Variants in AKAP6 observed in about 807,000 individuals in gnomAD.
AKAP6 encodes A-kinase anchoring protein 6.
A neutral mutation model predicts 188.5 loss-of-function variants in AKAP6; 58 were observed. That is an observed-to-expected ratio of 0.31 (90% confidence interval 0.25 to 0.38). AKAP6 has a LOEUF of 0.38. Among genes scored for constraint, AKAP6 ranks in the 10% least tolerant of loss-of-function variants. The pLI is 1.00. For synonymous variants in AKAP6, 989 were observed against 998.6 expected, an observed-to-expected ratio of 0.99 and a Z score of 0.18; for missense variants, 2,710 against 2,740.0, an observed-to-expected ratio of 0.99 and a Z score of 0.24.
intron 8 of AKAP6, among the ~76,000 whole-genome samples, chr14:32,679,767 C>T (rs952243267): frequency 6.6e-6 from 1 of 152,072 alleles, no homozygotes; most frequent in Non-Finnish European, 1.5e-5. Flanking sequence ...ACTTGTTGCT[C>T]CATCAGTATA....
intron 12 of AKAP6, among the ~76,000 whole-genome samples, chr14:32,795,397 G>A (rs1467200763): frequency 1.3e-5 from 2 of 152,120 alleles, no homozygotes; most frequent in African/African-American, 4.8e-5. Flanking sequence ...TAAACTACTG[G>A]CAAACTGAAT....
intron 2 of AKAP6, among the ~76,000 whole-genome samples, chr14:32,510,477 C>CATATATATGTGTATATATATATAT (rs1881194877): frequency 1.4e-5 from 1 of 72,922 alleles, no homozygotes; most frequent in Non-Finnish European, 2.7e-5. Flanking sequence ...TATATATATA[C>CATATATATGTGTATATATATATAT]ATATATATAT....
At chr14:32,800,510 G>T (rs8004880) in intron 12 of AKAP6, among the ~76,000 whole-genome samples, 26,257 of 151,916 alleles carry the variant, frequency 0.17, 2,824 homozygotes, top group African/African-American at 0.3. Context: ...CCATTGCTTT[G>T]TGCATACATG....
chr14:32,773,861 A>T lies in AKAP6; in HGVS notation c.3556A>T (p.Thr1186Ser). The change falls in exon 12 of 14, where the codon ACA becomes TCA. Residue 1186 changes from threonine to serine, a missense_variant. Transcript: ENST00000280979. The part of the protein sequence containing the change: ...AIVMQAVQWQ[T>S]RLQKKMGKES... ...TGTCATGCAAGCCGTCCAGTGGCAA[A>T]CACGTCTACAAAAGAAGATGGGAAA... 1 of 1,614,120 alleles carries T rather than the reference A, an allele frequency of 6.2e-7. No individual in the cohort carries two copies. The highest frequency in any genetic ancestry group is 1.1e-5 in the South Asian group (1 of 91,084).
intron 2 of AKAP6, among the ~76,000 whole-genome samples, chr14:32,520,409 C>A (rs2139056304): frequency 6.6e-6 from 1 of 152,240 alleles, no homozygotes; most frequent in African/African-American, 2.4e-5. Context: ...AATCCAGGAG[C>A]TGGTTTTTTG....
intron 1 of AKAP6, among the ~76,000 whole-genome samples, chr14:32,399,052 C>G (rs1194598792): frequency 6.6e-6 from 1 of 151,942 alleles, no homozygotes; most frequent in African/African-American, 2.4e-5. Context: ...CAGGGTTTCA[C>G]TGTGTTGCCC....
chr14:32,540,822 A>T (rs1221536706), intron 3 of AKAP6, among the ~76,000 whole-genome samples: 1 of 152,040 alleles, frequency 6.6e-6, no homozygotes, highest in Non-Finnish European at 1.5e-5. Flanking sequence ...TTGCCTCTGC[A>T]TAGTGAAATA....
At chr14:32,408,670 A>C (rs1889375696) in intron 1 of AKAP6, among the ~76,000 whole-genome samples, 2 of 151,492 alleles carry the variant, frequency 1.3e-5, no homozygotes, top group East Asian at 3.9e-4. Context: ...TATTGTAACC[A>C]GAGTTACTAT....
chr14:32,503,984 T>G lies in AKAP6; in HGVS notation c.325-31570T>G, dbSNP rs141758234. Among the ~76,000 whole-genome samples the G allele has an allele frequency of 4.7e-3, 714 of 151,912 alleles. 2 individuals carry two copies. Among genetic ancestry groups the G allele is most frequent in the East Asian group, 8.9e-3 (46 of 5,178 alleles). On this transcript the variant is annotated intron_variant, in intron 2 of 13. Transcript: ENST00000280979. Reference sequence around the variant, plus strand: ...TGCATTATATTGATATATTAATTATTTTATAAGTATACACATACATTGATA... The same window carrying G: ...TGCATTATATTGATATATTAATTATGTTATAAGTATACACATACATTGATA...
chr14:32,409,630 T>A (rs17098998), intron 1 of AKAP6, among the ~76,000 whole-genome samples: 2,738 of 152,276 alleles, frequency 0.018, 80 homozygotes, highest in African/African-American at 0.061. Context: ...GTGGTTCTCA[T>A]TAAAAAGTTT....
intron 12 of AKAP6, among the ~76,000 whole-genome samples, chr14:32,796,379 A>G (rs1391169256): frequency 6.6e-6 from 1 of 152,206 alleles, no homozygotes; most frequent in Non-Finnish European, 1.5e-5. Context: ...TTCAAACTAT[A>G]CTGCAAGGCT....
intron 3 of AKAP6, among the ~76,000 whole-genome samples, chr14:32,539,995 G>A (rs1357514659): frequency 5.3e-5 from 8 of 151,376 alleles, no homozygotes; most frequent in East Asian, 1.9e-4. Flanking sequence ...AGTTGGTGGC[G>A]AAACATAGTG....
intron 1 of AKAP6, among the ~76,000 whole-genome samples, chr14:32,345,539 G>A (rs777082407): frequency 2.0e-5 from 3 of 152,212 alleles, no homozygotes; most frequent in Non-Finnish European, 4.4e-5. Context: ...CTGTATCTGT[G>A]ATGAGTTGGT....
intron 9 of AKAP6, among the ~76,000 whole-genome samples, chr14:32,721,531 A>T (rs534427193): frequency 2.2e-4 from 34 of 152,320 alleles, no homozygotes; most frequent in African/African-American, 8.2e-4. Context: ...CTGTACCTCA[A>T]ATTCAATGAA....
At chr14:32,800,139 TAC>T (rs1298145271) in intron 12 of AKAP6, among the ~76,000 whole-genome samples, 1 of 122,808 alleles carries the variant, frequency 8.1e-6, no homozygotes, top group African/African-American at 3.0e-5. Flanking sequence ...CACATATATA[TAC>T]ACACATATAT....
At chr14:32,598,921 C>T (rs1885810478) in intron 5 of AKAP6, among the ~76,000 whole-genome samples, 1 of 152,120 alleles carries the variant, frequency 6.6e-6, no homozygotes, top group Non-Finnish European at 1.5e-5. Context: ...CCTGAATCTC[C>T]AACTGTGTTC....
At chr14:32,479,256 C>G (rs1272221646) in intron 2 of AKAP6, among the ~76,000 whole-genome samples, 1 of 152,000 alleles carries the variant, frequency 6.6e-6, no homozygotes, top group Admixed American at 6.6e-5. Context: ...TAAACATCGA[C>G]TCCTCACTTT....
chr14:32,761,640 C>T (rs1223202954), intron 11 of AKAP6, among the ~76,000 whole-genome samples: 1 of 152,082 alleles, frequency 6.6e-6, no homozygotes, highest in Non-Finnish European at 1.5e-5. Context: ...CCTAGGAATT[C>T]CTCTTGGGTC....
rs112729792 is a variant in AKAP6 at position 32,813,389 on chromosome 14, ACCC to A, written c.3589-8004_3589-8002del. Among the ~76,000 whole-genome samples the A allele has an allele frequency of 9.1e-3, 593 of 65,336 alleles. 29 individuals carry two copies. The highest frequency in any genetic ancestry group is 0.036 in the African/African-American group (567 of 15,914). The allele number at this position is 65,336 out of a possible 152,430, so 42.9% of individuals were successfully genotyped here. A position where few individuals can be genotyped will look rare whatever the true frequency, so the allele number is the denominator to read the frequency against. ...AGTTACAGTTTTCATCTCTAACCCT[ACCC>A]CCCCCCCCAACCCCTTTCCCAGAGG... On this transcript the variant is annotated intron_variant, in intron 12 of 13. Coordinates refer to ENST00000280979, the MANE Select transcript of AKAP6 (RefSeq NM_004274.5).
Sources: gnomAD v4.1 joint callset for allele counts (sites outside exome capture counted in the v4.1 genomes callset) on GRCh38, gnomAD v4.1.1 for gene constraint, MANE v1.5 for transcripts, NCBI Gene and HGNC (gene_info 2026-07-23, HGNC 2026-07-21) for gene names.